Variants in AHNAK observed in about 807,000 individuals in gnomAD.
AHNAK encodes the protein neuroblast differentiation-associated protein AHNAK.
A neutral mutation model predicts 37.8 loss-of-function variants in AHNAK; 23 were observed. That is an observed-to-expected ratio of 0.61 (90% CI 0.44 to 0.86). The LOEUF (loss-of-function observed/expected upper bound fraction) is 0.86. Ranked by LOEUF, AHNAK falls within the 40% of genes least tolerant of loss-of-function variation. The probability of loss-of-function intolerance (pLI) is 0.00; values close to 1 mark genes in which losing one functional copy is unlikely to be tolerated. For missense variants in AHNAK, 7,411 were observed against 7,319.4 expected (o/e 1.01, Z -0.46); for synonymous variants, 2,481 against 2,636.3 (o/e 0.94, Z 1.80).
Position 62,519,805 on chromosome 11 carries a change from A to G in AHNAK, c.14612T>C (p.Val4871Ala). ...PKVKGDFDVSVPKVEGTLKGP... is the reference protein window; with the variant it reads ...PKVKGDFDVSAPKVEGTLKGP... ...TTTCAAAGTCCCTTCAACCTTAGGG[A>G]CAGACACATCAAAATCTCCTTTTAC... The change falls in exon 5 of 5, where the codon GTC becomes GCC. Residue 4871 changes from valine (V) to alanine (A), a missense_variant. Physicochemically the swap from Val to Ala is moderately conservative, Grantham distance 64 (BLOSUM62 0). Transcript: ENST00000378024. 6.2e-7 allele frequency: 1 copy of G among 1,614,154 alleles called. No homozygotes were observed. Among genetic ancestry groups the G allele is most frequent in the Non-Finnish European group, 8.5e-7 (1 of 1,179,996 alleles).
intron 5 of AHNAK, among the ~76,000 whole-genome samples, chr11:62,457,758 CAA>C (rs1222150728): frequency 1.3e-5 from 2 of 152,130 alleles, no homozygotes; most frequent in Non-Finnish European, 2.9e-5. Flanking sequence ...AACATGGGAA[CAA>C]GAGATACTGT....
At chr11:62,501,017 G>A (rs532376449) in intron 4 of AHNAK, among the ~76,000 whole-genome samples, 15 of 152,064 alleles carry the variant, frequency 9.9e-5, no homozygotes, top group African/African-American at 2.9e-4. Flanking sequence ...CCAAGAGTTC[G>A]AGACCAGCCT....
intron 5 of AHNAK, among the ~76,000 whole-genome samples, chr11:62,449,088 T>TA (rs1358203643): frequency 6.6e-6 from 1 of 151,898 alleles, no homozygotes; most frequent in Non-Finnish European, 1.5e-5. Context: ...ATAATAATAA[T>TA]AAAGTTCTGG....
At chr11:62,493,016 T>C (rs560958846) in intron 4 of AHNAK, among the ~76,000 whole-genome samples, 102 of 113,408 alleles carry the variant, frequency 9.0e-4, no homozygotes, top group South Asian at 9.0e-3. Flanking sequence ...CTTTTCTTTT[T>C]TTTTTTTTTT....
chr11:62,522,970 C>T lies in AHNAK; in HGVS notation c.11447G>A (p.Gly3816Asp). The T allele has an allele frequency of 6.2e-7, 1 of 1,613,770 alleles. No homozygotes were observed. The highest frequency in any genetic ancestry group is 8.5e-7 in the Non-Finnish European group (1 of 1,179,984). The change falls in exon 5 of 5, where the codon GGC becomes GAC. Residue 3816 changes from glycine (G) to aspartate (D), a missense_variant. Gly to Asp is a moderately conservative substitution (Grantham distance 94). Transcript: ENST00000378024. ...CACATCTGGGCCCTCTCCTTTGAAGCCAGGCATGCTGAACTTGGGCATTTT... is the reference window on the plus strand; with the variant it reads ...CACATCTGGGCCCTCTCCTTTGAAGTCAGGCATGCTGAACTTGGGCATTTT... The part of the protein sequence containing the change: ...KVKMPKFSMP[G>D]FKGEGPDVDV...
chr11:62,535,818 C>A, intron 3 of AHNAK, 127 bp downstream of exon 3: 1 of 1,295,594 alleles, frequency 7.7e-7, no homozygotes, highest in Non-Finnish European at 1.0e-6. Flanking sequence ...ACCAACCACC[C>A]TGATGCCACT....
intron 5 of AHNAK, among the ~76,000 whole-genome samples, chr11:62,451,863 A>C (rs1938545967): frequency 7.0e-6 from 1 of 142,066 alleles, no homozygotes; most frequent in African/African-American, 2.7e-5. Context: ...GCTGGAGTTC[A>C]GTGGCAGGAT....
rs897564178 is a variant in AHNAK at position 62,494,733 on chromosome 11, G to A, written c.343-2902C>T. ...AATTCAAAAATTAGCCAGGACCGCC[G>A]GGCGCAGTGGCTCACGCCTATAATC... is the stretch of plus-strand genomic sequence containing the variant. On this transcript the variant is annotated intron_variant, in intron 4 of 5. Coordinates refer to the AHNAK transcript ENST00000257247. Among the ~76,000 whole-genome samples, 40 of 151,952 alleles carry A rather than the reference G, an allele frequency of 2.6e-4. 1 individual carries two copies. The highest frequency in any genetic ancestry group is 9.4e-4 in the African/African-American group (39 of 41,282).
At position 62,528,543 on chromosome 11, in the gene AHNAK, C is replaced by T; in HGVS notation, c.5874G>A (p.Val1958=). The change falls in exon 5 of 5, where the codon GTG becomes GTA. Residue 1958 remains valine, a synonymous_variant. Transcript: ENST00000378024. ...ACTCCAGCTCAACATCAGGCACCTC[C>T]ACACCCACACTGGGACCTGTTAAAT... ...EGDLTGPSVG[V]EVPDVELECP... 1 of 1,611,848 alleles carries T rather than the reference C, an allele frequency of 6.2e-7. No homozygotes were observed. The highest frequency in any genetic ancestry group is 8.5e-7 in the Non-Finnish European group (1 of 1,179,694).
rs1026335682 is a variant in AHNAK, at chr11:62,437,385, T to A, written c.443-3494A>T. Among the ~76,000 whole-genome samples, 5 of 152,206 alleles carry A rather than the reference T, an allele frequency of 3.3e-5. No homozygotes were observed. In the South Asian group the frequency reaches 1.0e-3, roughly 32 times the overall value. On this transcript the variant is annotated intron_variant, in intron 5 of 5. Coordinates refer to the AHNAK transcript ENST00000257247. ...TTTTGTTTTGTTTTGAGACGGAGTC[T>A]CACTCTGTCTGCCAGGCTGGAGTGC... is the stretch of plus-strand genomic sequence containing the variant.
chr11:62,524,698 G>C lies in AHNAK; in HGVS notation c.9719C>G (p.Ser3240Ter). ...CAAATCACCTTCTACATTTGCAAGTGAAACATCCACCTCTCCTTTCATTTT... is the reference window on the plus strand; with the variant it reads ...CAAATCACCTTCTACATTTGCAAGTCAAACATCCACCTCTCCTTTCATTTT... ...GPKMKGEVDVSLANVEGDLKG... is the reference protein window; with the variant it reads ...GPKMKGEVDV Residue 3240 changes from serine (S) to a stop codon, truncating the protein, a stop_gained, in exon 5 of 5, where the codon TCA (serine) becomes TGA (stop). Transcript: ENST00000378024. LOFTEE classifies it low-confidence loss of function (END_TRUNC). 1 of 1,614,216 alleles carries C rather than the reference G, an allele frequency of 6.2e-7. No homozygotes were observed. Among genetic ancestry groups the C allele is most frequent in the Non-Finnish European group, 8.5e-7 (1 of 1,180,040 alleles).
At position 62,516,721 on chromosome 11, in the gene AHNAK, A is replaced by G; in HGVS notation, c.*23T>C. The G allele has an allele frequency of 6.3e-7, 1 of 1,579,312 alleles. No individual in the cohort carries two copies. On this transcript the variant is annotated 3_prime_UTR_variant, in exon 5 of 5. Coordinates refer to ENST00000378024, the MANE Select transcript of AHNAK (RefSeq NM_001620.3). ...CTGATGTTTTGTTATATATATATAT[A>G]TGTACACACATACAAAGGCCTGCTA...
In AHNAK at chr11:62,528,300, A is replaced by G. The variant is rs2134227955; in HGVS notation, c.6117T>C (p.Val2039=). 6.2e-7 allele frequency: 1 copy of G among 1,614,072 alleles called. No individual in the cohort carries two copies. Among genetic ancestry groups the G allele is most frequent in the Non-Finnish European group, 8.5e-7 (1 of 1,180,010 alleles). Residue 2039 remains valine, a synonymous_variant, in exon 5 of 5, where the codon GTT becomes GTC. Coordinates refer to ENST00000378024, the MANE Select transcript of AHNAK (RefSeq NM_001620.3). ...KMDIDAPDVD[V]HGPDWHLKMP... ...TCTTCAGGTGCCAGTCTGGGCCATGAACATCCACATCTGGGGCATCAATGT... is the reference window on the plus strand; with the variant it reads ...TCTTCAGGTGCCAGTCTGGGCCATGGACATCCACATCTGGGGCATCAATGT...
At chr11:62,470,530 C>T (rs957446900) in intron 5 of AHNAK, among the ~76,000 whole-genome samples, 5 of 152,204 alleles carry the variant, frequency 3.3e-5, no homozygotes, top group Admixed American at 1.3e-4. Flanking sequence ...CGCTTGAACC[C>T]GGGAGGCGGA....
chr11:62,518,459 G>C lies in AHNAK; in HGVS notation c.15958C>G (p.Pro5320Ala). 2 of 1,614,028 alleles carry C rather than the reference G, an allele frequency of 1.2e-6. No individual in the cohort carries two copies. Among genetic ancestry groups the C allele is most frequent in the Non-Finnish European group, 1.7e-6 (2 of 1,180,000 alleles). ...CCTGGAGCATGCACCTTCATGCTGG[G>C]AACAGATGCATCCAGGTCTCCCTTC... ...SLKGDLDASV[P>A]SMKVHAPGLN... Residue 5320 changes from proline to alanine, a missense_variant, in exon 5 of 5, where the codon CCC (proline) becomes GCC (alanine). By Grantham distance (27) the Pro-to-Ala change is conservative. Transcript: ENST00000378024.
chr11:62,451,319 C>G (rs1262547039), intron 5 of AHNAK, among the ~76,000 whole-genome samples: 1 of 151,066 alleles, frequency 6.6e-6, no homozygotes, highest in Non-Finnish European at 1.5e-5. Flanking sequence ...CCTCCTCATT[C>G]TCAGACACTC....
At chr11:62,511,919 G>T (rs184954500), downstream of AHNAK, among the ~76,000 whole-genome samples, 29 of 152,086 alleles carry the variant, frequency 1.9e-4, no homozygotes, top group East Asian at 5.4e-3. Flanking sequence ...CACAATCTTG[G>T]TTCACTGCAA....
chr11:62,525,554 C>T lies in AHNAK; in HGVS notation c.8863G>A (p.Glu2955Lys). ...ATCTTGGGGGCTTTGATATTCATCT[C>T]TGGCATCTTGAACTTGGGCCCTTTC... ...KLKGPKFKMPEMNIKAPKIPM... is the reference protein window; with the variant it reads ...KLKGPKFKMPKMNIKAPKIPM... The change falls in exon 5 of 5, where the codon GAG becomes AAG. Residue 2955 changes from glutamate (E) to lysine (K), a missense_variant. Coordinates refer to ENST00000378024, the MANE Select transcript of AHNAK (RefSeq NM_001620.3). 1 of 1,614,090 alleles carries T rather than the reference C, an allele frequency of 6.2e-7. No individual in the cohort carries two copies. Among genetic ancestry groups the T allele is most frequent in the Non-Finnish European group, 8.5e-7 (1 of 1,180,028 alleles).
intron 5 of AHNAK, among the ~76,000 whole-genome samples, chr11:62,475,191 T>G (rs1432368191): frequency 6.6e-6 from 1 of 152,052 alleles, no homozygotes; most frequent in African/African-American, 2.4e-5. Flanking sequence ...TAGTCCCAGC[T>G]ACTCAGGAGG....
Sources: allele counts gnomAD v4.1 joint callset (sites outside exome capture counted in the v4.1 genomes callset), GRCh38; gene constraint gnomAD v4.1.1; transcripts MANE v1.5; gene names NCBI Gene and HGNC (gene_info 2026-07-23, HGNC 2026-07-21).